TIGD3: variants seen among roughly 807,000 people sequenced by gnomAD.
The protein encoded by TIGD3 is tigger transposable element derived 3.
TIGD3 carries 7 observed loss-of-function variants against 14.8 expected under a neutral mutation model. That is an observed-to-expected ratio of 0.47 (90% confidence interval 0.27 to 0.89). TIGD3 has a LOEUF of 0.89. Ranked by LOEUF, TIGD3 falls within the 40% of genes least tolerant of loss-of-function variation. TIGD3 has a pLI of 0.13. For missense variants in TIGD3, 581 were observed against 611.0 expected (o/e 0.95, Z 0.52); for synonymous variants, 243 against 269.4 (o/e 0.90, Z 0.96).
In TIGD3 at chr11:65,357,000, C is replaced by T; in HGVS notation, c.1192C>T (p.Leu398=). 1 of 1,614,132 alleles carries T rather than the reference C, an allele frequency of 6.2e-7. No homozygotes were observed. The highest frequency in any genetic ancestry group is 1.6e-4 in the Middle Eastern group (1 of 6,062). The part of the protein sequence containing the change: ...SLEEFSRFVD[L]EGEEPRSGVC... ...GGAGGAGTTTTCCCGCTTTGTGGAC[C>T]TGGAGGGTGAGGAGCCAAGGTCTGG... The change falls in exon 2 of 2, where the codon CTG becomes TTG. Residue 398 remains leucine, a synonymous_variant. Transcript: ENST00000309880. The surrounding 1 kb of genome is among the most constrained non-coding windows in gnomAD (Gnocchi z 5.2).
At position 65,355,791 on chromosome 11, in the gene TIGD3, A is replaced by C; in HGVS notation, c.-16-2A>C. 1 of 1,594,814 alleles carries C rather than the reference A, an allele frequency of 6.3e-7. No individual in the cohort carries two copies. The highest frequency in any genetic ancestry group is 1.1e-5 in the South Asian group (1 of 89,730). ...CCCGCTCAATCTTTCCTCCCCGCACAGGTGCCCCGGAGAGGCCATGGAGCT... is the reference window on the plus strand; with the variant it reads ...CCCGCTCAATCTTTCCTCCCCGCACCGGTGCCCCGGAGAGGCCATGGAGCT... On this transcript the variant is annotated splice_acceptor_variant, in intron 1 of 1. Coordinates refer to ENST00000309880, the MANE Select transcript of TIGD3 (RefSeq NM_145719.3). LOFTEE classifies it low-confidence loss of function (5UTR_SPLICE).
chr11:65,355,223 C>A (rs77130160), intron 1 of TIGD3, among the ~76,000 whole-genome samples: 1 of 151,428 alleles, frequency 6.6e-6, no homozygotes, highest in Non-Finnish European at 1.5e-5. Context: ...CCTCTCGCTC[C>A]CCTCAGGACT....
chr11:65,356,329 G>C lies in TIGD3; in HGVS notation c.521G>C (p.Gly174Ala). The C allele has an allele frequency of 1.2e-6, 2 of 1,612,434 alleles. No homozygotes were observed. Among genetic ancestry groups the C allele is most frequent in the East Asian group, 2.2e-5 (1 of 44,892 alleles). Reference protein sequence around the residue: ...LKDFSPEDVFGCAELPLLYRA... With the variant: ...LKDFSPEDVFACAELPLLYRA... The stretch of plus-strand genomic sequence containing the variant: ...GACTTCTCTCCAGAGGACGTGTTTG[G>C]CTGTGCTGAATTGCCCTTGCTGTAT... Residue 174 changes from glycine (G) to alanine (A), a missense_variant, in exon 2 of 2, where the codon GGC becomes GCC. Coordinates refer to ENST00000309880, the MANE Select transcript of TIGD3 (RefSeq NM_145719.3). This position sits in a 1 kb window ranked among gnomAD's most constrained non-coding sequence, Gnocchi z 5.2.
At position 65,357,316 on chromosome 11, in the gene TIGD3, T is replaced by C; in HGVS notation, c.*92T>C. 8.3e-7 allele frequency: 1 copy of C among 1,209,478 alleles called. No homozygotes were observed. The highest frequency in any genetic ancestry group is 1.2e-6 in the Non-Finnish European group (1 of 855,470). The allele number at this position is 1,209,478 out of a possible 1,614,324, so 74.9% of individuals were successfully genotyped here. A position where few individuals can be genotyped will look rare whatever the true frequency, so the allele number is the denominator to read the frequency against. Reference sequence around the variant, plus strand: ...GGCAGATCGGGCTGTCTCTTTCCTGTGGAAATAGAACTGTCGTAAAGGTGT... The same window carrying C: ...GGCAGATCGGGCTGTCTCTTTCCTGCGGAAATAGAACTGTCGTAAAGGTGT... On this transcript the variant is annotated 3_prime_UTR_variant, in exon 2 of 2. Coordinates refer to ENST00000309880, the MANE Select transcript of TIGD3 (RefSeq NM_145719.3).
chr11:65,356,240 A>C lies in TIGD3; in HGVS notation c.432A>C (p.Ser144=). The change falls in exon 2 of 2, where the codon TCA becomes TCC. Residue 144 remains serine (S), a synonymous_variant. Coordinates refer to ENST00000309880, the MANE Select transcript of TIGD3 (RefSeq NM_145719.3). This position sits in a 1 kb window ranked among gnomAD's most constrained non-coding sequence, Gnocchi z 5.2. ...GFGARHVLAP[S]FPPEPPPPGL... ...GGGCCCGCCATGTTCTTGCGCCTTC[A>C]TTCCCCCCTGAGCCACCTCCCCCGG... The C allele has an allele frequency of 6.2e-7, 1 of 1,613,014 alleles. No individual in the cohort carries two copies. The highest frequency in any genetic ancestry group is 8.5e-7 in the Non-Finnish European group (1 of 1,179,976).
Position 65,356,921 on chromosome 11 carries a change from C to T in TIGD3, c.1113C>T (p.Pro371=), listed in dbSNP as rs775020915. The T allele has an allele frequency of 2.5e-6, 4 of 1,614,074 alleles. No individual in the cohort carries two copies. The highest frequency in any genetic ancestry group is 3.4e-6 in the Non-Finnish European group (4 of 1,180,038). The change falls in exon 2 of 2, where the codon CCC becomes CCT. Residue 371 remains proline, a synonymous_variant. Coordinates refer to ENST00000309880, the MANE Select transcript of TIGD3 (RefSeq NM_145719.3). This position sits in a 1 kb window ranked among gnomAD's most constrained non-coding sequence, Gnocchi z 5.2. ...AAGGGCTGGCTCCCGGCAAAACGCC[C>T]CCGTCCTCGCACAAAACCTCTGAGA... ...IQEGLAPGKT[P]PSSHKTSEMP...
intron 1 of TIGD3, 135 bp downstream of exon 1, chr11:65,355,092 G>T (rs1023931872): frequency 2.6e-5 from 4 of 151,760 alleles, no homozygotes; most frequent in Non-Finnish European, 5.9e-5. Context: ...GTTCGTTCCC[G>T]CGCCCTGGGA....
Position 65,357,030 on chromosome 11 carries a change from T to C in TIGD3, c.1222T>C (p.Cys408Arg). The C allele has an allele frequency of 6.2e-7, 1 of 1,613,842 alleles. No homozygotes were observed. The highest frequency in any genetic ancestry group is 2.2e-5 in the East Asian group (1 of 44,872). Residue 408 changes from cysteine to arginine, a missense_variant, in exon 2 of 2, where the codon TGT becomes CGT. Coordinates refer to ENST00000309880, the MANE Select transcript of TIGD3 (RefSeq NM_145719.3). ...GGGTGAGGAGCCAAGGTCTGGAGTA[T>C]GTAAGGAGGAGATAGGCACTGAAGA... ...LEGEEPRSGVCKEEIGTEDEK... is the reference protein window; with the variant it reads ...LEGEEPRSGVRKEEIGTEDEK...
chr11:65,355,884 G>A lies in TIGD3; in HGVS notation c.76G>A (p.Glu26Lys), dbSNP rs745393854. The A allele has an allele frequency of 3.1e-6, 5 of 1,613,932 alleles. No individual in the cohort carries two copies. The South Asian group carries it at 5.5e-5, about 18-fold the overall frequency. Residue 26 changes from glutamate (E) to lysine (K), a missense_variant, in exon 2 of 2, where the codon GAG becomes AAG. By Grantham distance (56) the Glu-to-Lys change is moderately conservative. Transcript: ENST00000309880. ...EKIQVLELLD[E>K]SKMSQSEVAR... ...GATCCAGGTGCTGGAACTCCTGGAT[G>A]AGTCCAAGATGTCCCAGTCGGAGGT... is the stretch of plus-strand genomic sequence containing the variant.
At position 65,357,308 on chromosome 11, in the gene TIGD3, C is replaced by A; in HGVS notation, c.*84C>A. 1.6e-6 allele frequency: 2 copies of A among 1,280,448 alleles called. No individual in the cohort carries two copies. The highest frequency in any genetic ancestry group is 2.2e-6 in the Non-Finnish European group (2 of 914,442). 79.3% of individuals were successfully genotyped at this position (1,280,448 alleles called of 1,614,324 possible). ...CTTCAGAAGGCAGATCGGGCTGTCT[C>A]TTTCCTGTGGAAATAGAACTGTCGT... is the stretch of plus-strand genomic sequence containing the variant. On this transcript the variant is annotated 3_prime_UTR_variant, in exon 2 of 2. Coordinates refer to ENST00000309880, the MANE Select transcript of TIGD3 (RefSeq NM_145719.3).
rs1240625600 is a variant in TIGD3, at chr11:65,355,948, G to A, written c.140G>A (p.Arg47His). The change falls in exon 2 of 2, where the codon CGC becomes CAC. Residue 47 changes from arginine to histidine, a missense_variant. Physicochemically the swap from Arg to His is conservative, Grantham distance 29. Coordinates refer to ENST00000309880, the MANE Select transcript of TIGD3 (RefSeq NM_145719.3). ...RFQVSQPQIS[R>H]ICKNKEKLLA... is the part of the protein sequence containing the mutation. ...CAGGTTTCCCAGCCCCAGATCTCGCGCATCTGCAAGAATAAGGAGAAGCTG... is the reference window on the plus strand; with the variant it reads ...CAGGTTTCCCAGCCCCAGATCTCGCACATCTGCAAGAATAAGGAGAAGCTG... 1.2e-6 allele frequency: 2 copies of A among 1,613,762 alleles called. No homozygotes were observed. Among genetic ancestry groups the A allele is most frequent in the Admixed American group, 3.3e-5 (2 of 60,010 alleles).
chr11:65,356,653 T>G lies in TIGD3; in HGVS notation c.845T>G (p.Val282Gly). ...GCAGGCCTGCCTGGGCTCTACCACGTGAAGCTCTTGCCTCTGGCCGCCTCT... is the reference window on the plus strand; with the variant it reads ...GCAGGCCTGCCTGGGCTCTACCACGGGAAGCTCTTGCCTCTGGCCGCCTCT... ...ELAGLPGLYH[V>G]KLLPLAASST... The change falls in exon 2 of 2, where the codon GTG becomes GGG. Residue 282 changes from valine to glycine, a missense_variant. Coordinates refer to ENST00000309880, the MANE Select transcript of TIGD3 (RefSeq NM_145719.3). This position sits in a 1 kb window ranked among gnomAD's most constrained non-coding sequence, Gnocchi z 5.2. 1.2e-6 allele frequency: 2 copies of G among 1,613,052 alleles called. No individual in the cohort carries two copies. The highest frequency in any genetic ancestry group is 1.7e-6 in the Non-Finnish European group (2 of 1,180,012).
At position 65,356,828 on chromosome 11, in the gene TIGD3, C is replaced by A. The variant is rs767799337; in HGVS notation, c.1020C>A (p.Ala340=). The part of the protein sequence containing the change: ...EAGAGITVLD[A]LHVASAAWAK... ...GGGCAGGCATCACCGTGCTGGACGC[C>A]CTGCACGTGGCGTCTGCCGCCTGGG... Residue 340 remains alanine, a synonymous_variant, in exon 2 of 2, where the codon GCC becomes GCA. Coordinates refer to ENST00000309880, the MANE Select transcript of TIGD3 (RefSeq NM_145719.3). The surrounding 1 kb of genome is among the most constrained non-coding windows in gnomAD (Gnocchi z 5.2). The A allele has an allele frequency of 2.5e-6, 4 of 1,613,078 alleles. No homozygotes were observed. The African/African-American group carries it at 5.3e-5, about 22-fold the overall frequency.
At position 65,357,173 on chromosome 11, in the gene TIGD3, C is replaced by A; in HGVS notation, c.1365C>A (p.Phe455Leu). 1 of 1,614,164 alleles carries A rather than the reference C, an allele frequency of 6.2e-7. No homozygotes were observed. Among genetic ancestry groups the A allele is most frequent in the African/African-American group, 1.3e-5 (1 of 75,044 alleles). ...FECNSTSPEL[F>L]EKFYDCEEEV... ...GCAACAGCACTTCTCCTGAGCTATT[C>A]GAAAAATTCTACGACTGTGAGGAGG... is the stretch of plus-strand genomic sequence containing the variant. The change falls in exon 2 of 2, where the codon TTC becomes TTA. Residue 455 changes from phenylalanine to leucine, a missense_variant. Physicochemically the swap from Phe to Leu is conservative, Grantham distance 22. Coordinates refer to ENST00000309880, the MANE Select transcript of TIGD3 (RefSeq NM_145719.3).
chr11:65,357,247 A>C lies in TIGD3; in HGVS notation c.*23A>C. 4 of 1,607,416 alleles carry C rather than the reference A, an allele frequency of 2.5e-6. No homozygotes were observed. Among genetic ancestry groups the C allele is most frequent in the Non-Finnish European group, 3.4e-6 (4 of 1,175,812 alleles). ...TGAAGGCGCCTTCACTGCTTGCCAGAGCCCCTTCCTCTCTTGTTTCCCATG... is the reference window on the plus strand; with the variant it reads ...TGAAGGCGCCTTCACTGCTTGCCAGCGCCCCTTCCTCTCTTGTTTCCCATG... On this transcript the variant is annotated 3_prime_UTR_variant, in exon 2 of 2. Transcript: ENST00000309880.
Position 65,355,400 on chromosome 11 carries a change from C to G in TIGD3, c.-16-393C>G, listed in dbSNP as rs1251963250. 2.0e-5 allele frequency among the ~76,000 whole-genome samples: 3 copies of G among 149,866 alleles called. No individual in the cohort carries two copies. The East Asian group carries it at 6.0e-4, about 30-fold the overall frequency. On this transcript the variant is annotated intron_variant, in intron 1 of 1. Transcript: ENST00000309880. ...ATCTGAATCCAGCCCAAGCCGCCTC[C>G]CACTCCCTCCCGGGGGCTCCTCCCC... is the stretch of plus-strand genomic sequence containing the variant.
Position 65,357,302 on chromosome 11 carries a change from CTG to C in TIGD3, c.*80_*81del, listed in dbSNP as rs1351595676. ...CGGCCTCTTCAGAAGGCAGATCGGG[CTG>C]TCTCTTTCCTGTGGAAATAGAACTG... On this transcript the variant is annotated 3_prime_UTR_variant, in exon 2 of 2. Coordinates refer to ENST00000309880, the MANE Select transcript of TIGD3 (RefSeq NM_145719.3). 7.5e-7 allele frequency: 1 copy of C among 1,333,156 alleles called. No homozygotes were observed. The highest frequency in any genetic ancestry group is 2.4e-5 in the East Asian group (1 of 41,236). The allele number at this position is 1,333,156 out of a possible 1,614,324, so 82.6% of individuals were successfully genotyped here.
In TIGD3 at chr11:65,356,046, G is replaced by C. The variant is rs371000220; in HGVS notation, c.238G>C (p.Asp80His). Residue 80 changes from aspartate (D) to histidine (H), a missense_variant, in exon 2 of 2, where the codon GAC becomes CAC. Asp to His is a moderately conservative substitution (Grantham distance 81). Coordinates refer to ENST00000309880, the MANE Select transcript of TIGD3 (RefSeq NM_145719.3). This position sits in a 1 kb window ranked among gnomAD's most constrained non-coding sequence, Gnocchi z 5.2. Reference sequence around the variant, plus strand: ...GCGGGAGTCCAAGTACAGCGGGATCGACGAGGCTCTGCTCTGCTGGTACCA... The same window carrying C: ...GCGGGAGTCCAAGTACAGCGGGATCCACGAGGCTCTGCTCTGCTGGTACCA... ...RKRESKYSGI[D>H]EALLCWYHIA... 1.2e-6 allele frequency: 2 copies of C among 1,612,922 alleles called. No individual in the cohort carries two copies. Among genetic ancestry groups the C allele is most frequent in the East Asian group, 2.2e-5 (1 of 44,884 alleles).
Position 65,357,182 on chromosome 11 carries a change from C to A in TIGD3, c.1374C>A (p.Phe458Leu). 1 of 1,614,226 alleles carries A rather than the reference C, an allele frequency of 6.2e-7. No individual in the cohort carries two copies. The highest frequency in any genetic ancestry group is 8.5e-7 in the Non-Finnish European group (1 of 1,180,038). ...CTTCTCCTGAGCTATTCGAAAAATT[C>A]TACGACTGTGAGGAGGAGGTGGAGC... ...NSTSPELFEK[F>L]YDCEEEVERL... Residue 458 changes from phenylalanine (F) to leucine (L), a missense_variant, in exon 2 of 2, where the codon TTC becomes TTA. Coordinates refer to ENST00000309880, the MANE Select transcript of TIGD3 (RefSeq NM_145719.3).
Sources: gnomAD v4.1 joint callset for allele counts (sites outside exome capture counted in the v4.1 genomes callset) on GRCh38, gnomAD v4.1.1 for gene constraint, Gnocchi (gnomAD v3.1) non-coding constraint, MANE v1.5 for transcripts, NCBI Gene and HGNC (gene_info 2026-07-23, HGNC 2026-07-21) for gene names.